The following RAB31 variants were observed in gnomAD, a reference collection of about 807,000 sequenced individuals.
RAB31 encodes the protein RAB31, member RAS oncogene family.
A neutral mutation model predicts 25.6 loss-of-function variants in RAB31; 21 were observed. That is an observed-to-expected ratio of 0.82 (90% CI 0.58 to 1.18). The LOEUF (loss-of-function observed/expected upper bound fraction) is 1.18. Ranked by LOEUF, RAB31 falls within the 50% of genes most tolerant of loss-of-function variation. The pLI is 0.00. For missense variants in RAB31, 196 were observed against 250.1 expected, an observed-to-expected ratio of 0.78 and a Z score of 1.46; for synonymous variants, 87 against 84.0, an observed-to-expected ratio of 1.04 and a Z score of -0.20.
At chr18:9,736,020 A>G (rs2068149367) in intron 1 of RAB31, among the ~76,000 whole-genome samples, 1 of 151,896 alleles carries the variant, frequency 6.6e-6, no homozygotes, top group Non-Finnish European at 1.5e-5. Context: ...AAATTTTTGC[A>G]GCGATGGGGT....
chr18:9,779,029 G>A (rs1347897879), intron 2 of RAB31, among the ~76,000 whole-genome samples: 1 of 152,154 alleles, frequency 6.6e-6, no homozygotes, highest in Non-Finnish European at 1.5e-5. Flanking sequence ...ACATTGAGTA[G>A]GCTGAGGAGG....
chr18:9,855,899 C>T (rs767469494), intron 6 of RAB31: 2 of 152,170 alleles, frequency 1.3e-5, no homozygotes, highest in African/African-American at 4.8e-5. Flanking sequence ...TGCCCAGAAG[C>T]CCTCAACTGC....
chr18:9,819,670 C>CTTAA (rs1249780783), intron 5 of RAB31, among the ~76,000 whole-genome samples: 1 of 152,102 alleles, frequency 6.6e-6, no homozygotes, highest in East Asian at 1.9e-4. Context: ...TTATTCCCAT[C>CTTAA]TTAACAATTT....
intron 1 of RAB31, among the ~76,000 whole-genome samples, chr18:9,739,421 G>A (rs1325864284): frequency 9.9e-5 from 15 of 152,114 alleles, no homozygotes. Flanking sequence ...GCAGTGGGCC[G>A]AGATTGTGCC....
intron 2 of RAB31, among the ~76,000 whole-genome samples, chr18:9,782,641 G>A (rs183094340): frequency 6.6e-5 from 10 of 151,936 alleles, no homozygotes; most frequent in South Asian, 4.2e-4. Flanking sequence ...GGGCCAGTGC[G>A]CCTCCTCCAC....
Position 9,861,472 on chromosome 18 carries a change from C to T in RAB31, c.*2147C>T, listed in dbSNP as rs2068847175. Reference sequence around the variant, plus strand: ...GATAATATATATATTCTCATCAGCACTCAGAGTAGTCAGTGAAGAGAGTAG... The same window carrying T: ...GATAATATATATATTCTCATCAGCATTCAGAGTAGTCAGTGAAGAGAGTAG... On this transcript the variant is annotated 3_prime_UTR_variant, in exon 7 of 7. Coordinates refer to ENST00000578921, the MANE Select transcript of RAB31 (RefSeq NM_006868.4). 6.6e-6 allele frequency: 1 copy of T among 152,264 alleles called. No homozygotes were observed. Among genetic ancestry groups the T allele is most frequent in the South Asian group, 2.1e-4 (1 of 4,818 alleles). The allele number at this position is 152,264 out of a possible 1,614,324, so 9.4% of individuals were successfully genotyped here. A position where few individuals can be genotyped will look rare whatever the true frequency, so the allele number is the denominator to read the frequency against.
In RAB31 at chr18:9,828,114, C is replaced by A. The variant is rs557894308; in HGVS notation, c.380+12892C>A. On this transcript the variant is annotated intron_variant, in intron 5 of 6. Transcript: ENST00000578921. ...GAAGGGGCAAGATCTGGAACGAAGGCCTGGAGGTGGGAGCGAGCTTGGCAC... is the reference window on the plus strand; with the variant it reads ...GAAGGGGCAAGATCTGGAACGAAGGACTGGAGGTGGGAGCGAGCTTGGCAC... 1.9e-4 allele frequency among the ~76,000 whole-genome samples: 29 copies of A among 152,170 alleles called. No homozygotes were observed. The South Asian group carries it at 6.0e-3, about 32-fold the overall frequency.
chr18:9,843,471 G>A (rs1175129087), intron 5 of RAB31, among the ~76,000 whole-genome samples: 23 of 150,596 alleles, frequency 1.5e-4, no homozygotes, highest in Admixed American at 1.3e-3. Context: ...GCTTGAACCC[G>A]GGAGGCGGAG....
At chr18:9,748,630 T>C (rs912341318) in intron 1 of RAB31, among the ~76,000 whole-genome samples, 11 of 152,070 alleles carry the variant, frequency 7.2e-5, no homozygotes, top group Non-Finnish European at 1.3e-4. Flanking sequence ...CGGTGGCTCA[T>C]GCCTGTAATC....
At chr18:9,759,185 C>CTTTTGG (rs1555685914) in intron 1 of RAB31, among the ~76,000 whole-genome samples, 1 of 151,916 alleles carries the variant, frequency 6.6e-6, no homozygotes, top group Non-Finnish European at 1.5e-5. Flanking sequence ...TACAGCGGGT[C>CTTTTGG]TTTTTGTTTT....
At chr18:9,847,011 G>A (rs1474069099) in intron 6 of RAB31, among the ~76,000 whole-genome samples, 1 of 152,046 alleles carries the variant, frequency 6.6e-6, no homozygotes, top group African/African-American at 2.4e-5. Flanking sequence ...CAGGCTCCTT[G>A]CCCTGAATGG....
chr18:9,840,576 T>A (rs533735604), intron 5 of RAB31, among the ~76,000 whole-genome samples: 36 of 152,326 alleles, frequency 2.4e-4, no homozygotes, highest in African/African-American at 8.7e-4. Flanking sequence ...CGCAAAACTC[T>A]CCTCACAGAT....
intron 1 of RAB31, among the ~76,000 whole-genome samples, chr18:9,713,209 A>G (rs2068026646): frequency 6.6e-6 from 1 of 152,208 alleles, no homozygotes; most frequent in South Asian, 2.1e-4. Context: ...AATGCATAGG[A>G]TAGTGGGTTG....
At chr18:9,847,357 C>T (rs543232583) in intron 6 of RAB31, among the ~76,000 whole-genome samples, 11 of 152,314 alleles carry the variant, frequency 7.2e-5, no homozygotes, top group African/African-American at 2.6e-4. Context: ...GCAGAGCCCC[C>T]TCCTCCTCCT....
chr18:9,831,350 G>T (rs1225179899), intron 5 of RAB31, among the ~76,000 whole-genome samples: 1 of 152,198 alleles, frequency 6.6e-6, no homozygotes, highest in Non-Finnish European at 1.5e-5. Context: ...TATCATTTTG[G>T]TTTTTGAGCA....
intron 1 of RAB31, among the ~76,000 whole-genome samples, chr18:9,715,988 C>T (rs1333427465): frequency 1.3e-5 from 2 of 152,198 alleles, no homozygotes; most frequent in Non-Finnish European, 2.9e-5. Context: ...CTCCCATCCC[C>T]TAAATTGAAC....
At chr18:9,808,804 A>G (rs753360650) in intron 3 of RAB31, among the ~76,000 whole-genome samples, 17 of 152,356 alleles carry the variant, frequency 1.1e-4, no homozygotes, top group East Asian at 1.9e-4. Flanking sequence ...ACCTGATGCC[A>G]GAGCATTCTG....
chr18:9,762,941 C>T (rs1599028724), intron 1 of RAB31, among the ~76,000 whole-genome samples: 1 of 152,102 alleles, frequency 6.6e-6, no homozygotes, highest in East Asian at 1.9e-4. Context: ...GGAGCTGCCA[C>T]CATTGAGGCC....
intron 5 of RAB31, among the ~76,000 whole-genome samples, chr18:9,839,698 C>G (rs1459821288): frequency 6.6e-6 from 1 of 152,074 alleles, no homozygotes; most frequent in Non-Finnish European, 1.5e-5. Flanking sequence ...CTAGCTAGCT[C>G]AAGGGGGAGA....
Sources: gnomAD v4.1 joint callset for allele counts (sites outside exome capture counted in the v4.1 genomes callset) on GRCh38, gnomAD v4.1.1 for gene constraint, MANE v1.5 for transcripts, NCBI Gene and HGNC (gene_info 2026-07-23, HGNC 2026-07-21) for gene names.